The following FGF13 variants were observed in gnomAD, a reference collection of about 807,000 sequenced individuals.
FGF13 encodes fibroblast growth factor 13.
A neutral mutation model predicts 19.5 loss-of-function variants in FGF13; 2 were observed. The observed-to-expected ratio is 0.10, with a 90% CI of 0.04 to 0.32. FGF13 has a LOEUF of 0.32. Among genes scored for constraint, FGF13 ranks in the 10% least tolerant of loss-of-function variants. The pLI is 1.00. For synonymous variants in FGF13, 72 were observed against 76.9 expected, an observed-to-expected ratio of 0.94 and a Z score of 0.33; for missense variants, 113 against 192.7, an observed-to-expected ratio of 0.59 and a Z score of 2.45.
At chrX:139,170,643 A>T (rs921354676) in intron 1 of FGF13, among the ~76,000 whole-genome samples, 1 of 111,427 alleles carries the variant, frequency 9.0e-6, no homozygotes, top group Non-Finnish European at 1.9e-5. Flanking sequence ...AGCTTCCTTG[A>T]CGATGCTCCA....
intron 1 of FGF13, among the ~76,000 whole-genome samples, chrX:139,055,280 A>G (rs34968898): frequency 8.6e-4 from 96 of 111,718 alleles, no homozygotes; most frequent in Non-Finnish European, 1.6e-3. Context: ...GAATGCTTTC[A>G]ACTTTTCCCC....
chrX:138,784,037 T>C lies in FGF13; in HGVS notation c.217+73475A>G, dbSNP rs771126014. Among the ~76,000 whole-genome samples, 100 of 98,283 alleles carry C rather than the reference T, an allele frequency of 1.0e-3. 2 individuals are homozygous for C. In the South Asian group the frequency reaches 0.052, roughly 51 times the overall value. The allele number at this position is 98,283 out of a possible 115,157, so 85.3% of individuals were successfully genotyped here. A position where few individuals can be genotyped will look rare whatever the true frequency, so the allele number is the denominator to read the frequency against. On this transcript the variant is annotated intron_variant, in intron 3 of 6. Transcript: ENST00000436198. The stretch of plus-strand genomic sequence containing the variant: ...GTAGGGACATGGATGAAATTGGAAA[T>C]CATCATTCTCAGTAAACTATCGCAA...
At chrX:138,775,931 T>G (rs776374737) in intron 3 of FGF13, among the ~76,000 whole-genome samples, 2 of 112,315 alleles carry the variant, frequency 1.8e-5, no homozygotes, top group East Asian at 2.8e-4. Context: ...GTGAGGGAGT[T>G]GAAACCTTTT....
At chrX:139,134,865 CT>C in intron 1 of FGF13, among the ~76,000 whole-genome samples, 1 of 110,928 alleles carries the variant, frequency 9.0e-6, no homozygotes, top group Middle Eastern at 4.6e-3. Context: ...CCCGGCTGGT[CT>C]CAAACTCCTG....
At chrX:138,900,428 G>A (rs1442958833) in intron 1 of FGF13, among the ~76,000 whole-genome samples, 1 of 110,289 alleles carries the variant, frequency 9.1e-6, no homozygotes, top group African/African-American at 3.3e-5. Context: ...GAGAATCTGG[G>A]TATCTCTCCT....
chrX:138,795,228 G>A (rs1333243725), intron 3 of FGF13, among the ~76,000 whole-genome samples: 3 of 112,112 alleles, frequency 2.7e-5, no homozygotes, highest in Admixed American at 9.5e-5. Context: ...AATATCCTGA[G>A]TCTAGCTTCT....
At chrX:138,916,249 T>C (rs2091617773) in intron 1 of FGF13, among the ~76,000 whole-genome samples, 1 of 111,864 alleles carries the variant, frequency 8.9e-6, no homozygotes, top group South Asian at 3.7e-4. Context: ...TGACAATTCT[T>C]AGTGCACAGT....
intron 1 of FGF13, among the ~76,000 whole-genome samples, chrX:138,937,574 C>T (rs1326626828): frequency 8.9e-6 from 1 of 112,167 alleles, no homozygotes; most frequent in South Asian, 3.7e-4. Flanking sequence ...TAGCTATGTA[C>T]GTATGACTGC....
chrX:139,174,853 G>T (rs762158622), intron 1 of FGF13, among the ~76,000 whole-genome samples: 21 of 111,772 alleles, frequency 1.9e-4, no homozygotes, highest in African/African-American at 6.5e-4. Flanking sequence ...TTGTTCTTTT[G>T]GCTTAGGATT....
chrX:138,763,799 C>G (rs894042402), intron 3 of FGF13, among the ~76,000 whole-genome samples: 3 of 111,397 alleles, frequency 2.7e-5, no homozygotes, highest in African/African-American at 9.8e-5. Flanking sequence ...AATAATACAT[C>G]TTCAGCAATG....
intron 1 of FGF13, among the ~76,000 whole-genome samples, chrX:138,905,880 C>T (rs1468551528): frequency 9.0e-6 from 1 of 111,216 alleles, no homozygotes; most frequent in Non-Finnish European, 1.9e-5. Flanking sequence ...CACAGCTAAG[C>T]CAAAAAATGT....
chrX:139,154,907 T>C (rs2083965386), intron 1 of FGF13, among the ~76,000 whole-genome samples: 1 of 111,986 alleles, frequency 8.9e-6, no homozygotes, highest in Non-Finnish European at 1.9e-5. Flanking sequence ...TTTAAAAAAA[T>C]ATTTAATATA....
intron 3 of FGF13, among the ~76,000 whole-genome samples, chrX:138,663,398 C>T (rs924452683): frequency 9.9e-5 from 11 of 111,288 alleles, no homozygotes; most frequent in African/African-American, 3.6e-4. Context: ...AAGCAGTTAA[C>T]ATCACCTTGA....
chrX:138,917,724 C>CT (rs755728104), intron 1 of FGF13, among the ~76,000 whole-genome samples: 1 of 111,640 alleles, frequency 9.0e-6, no homozygotes, highest in Non-Finnish European at 1.9e-5. Context: ...TTTATTTTTC[C>CT]TTTTTTTACT....
chrX:138,623,721 G>A lies in FGF13; in HGVS notation c.*9129C>T, dbSNP rs1222718939. 1 of 111,282 alleles carries A rather than the reference G, an allele frequency of 9.0e-6. No individual in the cohort carries two copies. Among genetic ancestry groups the A allele is most frequent in the Non-Finnish European group, 1.9e-5 (1 of 53,179 alleles). The allele number at this position is 111,282 out of a possible 1,213,427, so 9.2% of individuals were successfully genotyped here. A position where few individuals can be genotyped will look rare whatever the true frequency, so the allele number is the denominator to read the frequency against. On this transcript the variant is annotated 3_prime_UTR_variant, in exon 5 of 5. Coordinates refer to ENST00000315930, the MANE Select transcript of FGF13 (RefSeq NM_004114.5). ...TAACTCGGGAGGCAGAGGTTGTGGT[G>A]AGCCAAGATCACACCACTGCACTCC... is the stretch of plus-strand genomic sequence containing the variant.
rs866040312 is a variant in FGF13 at position 138,666,793 on chromosome X, T to C, written c.403-31138A>G. On this transcript the variant is annotated intron_variant, in intron 3 of 4. Transcript: ENST00000315930. ...TTATAAATAAAAGATCATTATTCCATTTCCTAACACTTTTTTAAGAATTCA... is the reference window on the plus strand; with the variant it reads ...TTATAAATAAAAGATCATTATTCCACTTCCTAACACTTTTTTAAGAATTCA... Among the ~76,000 whole-genome samples the C allele has an allele frequency of 6.3e-5, 7 of 111,020 alleles. 1 individual carries two copies. In the South Asian group the frequency reaches 1.9e-3, roughly 29 times the overall value.
chrX:139,201,119 G>T (rs2084411745), intron 1 of FGF13, among the ~76,000 whole-genome samples: 1 of 111,663 alleles, frequency 9.0e-6, no homozygotes, highest in African/African-American at 3.3e-5. Flanking sequence ...CAAGGTCCCC[G>T]CCCCCTTTCC....
intron 3 of FGF13, among the ~76,000 whole-genome samples, chrX:138,796,318 G>A (rs1475466208): frequency 9.0e-6 from 1 of 111,602 alleles, no homozygotes; most frequent in Non-Finnish European, 1.9e-5. Context: ...AGAACATGAG[G>A]TATTTGGTTT....
chrX:139,137,463 C>T (rs1477912932), intron 1 of FGF13, among the ~76,000 whole-genome samples: 1 of 111,665 alleles, frequency 9.0e-6, no homozygotes, highest in African/African-American at 3.3e-5. Context: ...GAGGCAGCTA[C>T]TTAACTGTGC....
Sources: gnomAD v4.1 joint callset for allele counts (sites outside exome capture counted in the v4.1 genomes callset) on GRCh38, gnomAD v4.1.1 for gene constraint, MANE v1.5 for transcripts, NCBI Gene and HGNC (gene_info 2026-07-23, HGNC 2026-07-21) for gene names.